Variants in PINX1 observed in about 807,000 individuals in gnomAD.
PINX1 encodes the protein PIN2 (TERF1) interacting telomerase inhibitor 1.
Under a neutral mutation model 25.4 loss-of-function variants are expected in PINX1, and 34 were observed. That is an observed-to-expected ratio of 1.34 (90% confidence interval 1.02 to 1.78). The LOEUF is 1.78. Ranked by LOEUF, PINX1 falls within the 40% of genes most tolerant of loss-of-function variation. The pLI is 0.00. For synonymous variants in PINX1, 197 were observed against 147.7 expected (o/e 1.33, Z -2.42); for missense variants, 592 against 404.9 (o/e 1.46, Z -3.97).
intron 6 of PINX1, among the ~76,000 whole-genome samples, chr8:10,816,334 A>G (rs1318796344): frequency 6.6e-6 from 1 of 152,232 alleles, no homozygotes; most frequent in Non-Finnish European, 1.5e-5. Context: ...CTGTTCATCT[A>G]TAAAAAGTTA....
intron 6 of PINX1, among the ~76,000 whole-genome samples, chr8:10,790,425 G>C (rs1032501970): frequency 3.3e-5 from 5 of 152,110 alleles, no homozygotes; most frequent in African/African-American, 4.8e-5. Context: ...GGCAAGCCAG[G>C]GGGAGGAAGC....
At chr8:10,833,318 T>C (rs1022916710) in intron 2 of PINX1, among the ~76,000 whole-genome samples, 3 of 152,216 alleles carry the variant, frequency 2.0e-5, no homozygotes, top group African/African-American at 7.2e-5. Context: ...AGATCTCACA[T>C]AACCTACGGG....
In PINX1 at chr8:10,795,122, T is replaced by C. The variant is rs563030028; in HGVS notation, c.471+25071A>G. 6.6e-5 allele frequency among the ~76,000 whole-genome samples: 10 copies of C among 152,348 alleles called. No individual in the cohort carries two copies. The South Asian group carries it at 1.7e-3, about 25-fold the overall frequency. The stretch of plus-strand genomic sequence containing the variant: ...TCTTGACTTTATAAATGCAAAATTC[T>C]AAGATTAATTCATTCAAAAAACAAA... On this transcript the variant is annotated intron_variant, in intron 6 of 6. Transcript: ENST00000314787.
intron 6 of PINX1, among the ~76,000 whole-genome samples, chr8:10,794,802 T>G (rs146598646): frequency 1.3e-5 from 2 of 152,102 alleles, no homozygotes; most frequent in South Asian, 4.1e-4. Flanking sequence ...AAAATCCGAG[T>G]GCATGTATGT....
chr8:10,806,234 A>G (rs950628621), intron 6 of PINX1, among the ~76,000 whole-genome samples: 1 of 151,698 alleles, frequency 6.6e-6, no homozygotes, highest in Non-Finnish European at 1.5e-5. Flanking sequence ...GCAGAGCACC[A>G]TCTCCTTCAC....
At chr8:10,781,151 T>A (rs1801573403) in intron 6 of PINX1, among the ~76,000 whole-genome samples, 1 of 152,184 alleles carries the variant, frequency 6.6e-6, no homozygotes, top group South Asian at 2.1e-4. Context: ...GTTTCTCATG[T>A]AAAAAAATGA....
intron 6 of PINX1, among the ~76,000 whole-genome samples, chr8:10,798,294 C>T (rs555871637): frequency 2.6e-5 from 4 of 152,356 alleles, no homozygotes; most frequent in African/African-American, 9.6e-5. Context: ...ATGAGAGCAG[C>T]ACAGGCTCCA....
At chr8:10,793,136 C>A (rs1353522277) in intron 6 of PINX1, among the ~76,000 whole-genome samples, 2 of 152,214 alleles carry the variant, frequency 1.3e-5, no homozygotes, top group Non-Finnish European at 2.9e-5. Context: ...GCATGATCTT[C>A]CGCTTGAGGT....
intron 5 of PINX1, 29 bp downstream of exon 5, chr8:10,826,123 A>G (rs1798029578): frequency 7.9e-7 from 1 of 1,260,570 alleles, no homozygotes; most frequent in African/African-American, 1.5e-5. Context: ...GTAGATTTCA[A>G]TAACAAGTAA....
At chr8:10,777,570 G>T (rs938448818) in intron 6 of PINX1, among the ~76,000 whole-genome samples, 1 of 152,172 alleles carries the variant, frequency 6.6e-6, no homozygotes, top group African/African-American at 2.4e-5. Context: ...GTGGCTTGGG[G>T]ACTGCAGGGA....
chr8:10,770,633 G>GT (rs1234160854), intron 6 of PINX1, among the ~76,000 whole-genome samples: 1 of 152,184 alleles, frequency 6.6e-6, no homozygotes, highest in Admixed American at 6.5e-5. Context: ...TGGATTATTA[G>GT]TACAATGCCC....
chr8:10,770,403 G>A (rs776304559), intron 6 of PINX1, among the ~76,000 whole-genome samples: 1 of 152,182 alleles, frequency 6.6e-6, no homozygotes, highest in Non-Finnish European at 1.5e-5. Flanking sequence ...GTCCCTGCGG[G>A]TATCAATTAC....
At chr8:10,827,764 A>C (rs1337860736) in intron 4 of PINX1, among the ~76,000 whole-genome samples, 1 of 151,174 alleles carries the variant, frequency 6.6e-6, no homozygotes, top group Non-Finnish European at 1.5e-5. Context: ...AAAAAAAATT[A>C]GCCGGGCGTG....
intron 6 of PINX1, among the ~76,000 whole-genome samples, chr8:10,789,220 C>G (rs1801846181): frequency 6.6e-6 from 1 of 152,200 alleles, no homozygotes; most frequent in African/African-American, 2.4e-5. Context: ...TGAGGGGACC[C>G]TGCATAGACA....
intron 4 of PINX1, among the ~76,000 whole-genome samples, chr8:10,830,438 T>C (rs13275368): frequency 0.07 from 10,686 of 152,270 alleles, 464 homozygotes; most frequent in South Asian, 0.11. Context: ...CTGTGTCTTA[T>C]ACCTCTGCAG....
chr8:10,790,257 G>C (rs1472460928), intron 6 of PINX1, among the ~76,000 whole-genome samples: 2 of 152,192 alleles, frequency 1.3e-5, no homozygotes, highest in African/African-American at 4.8e-5. Context: ...GACAGAAAAA[G>C]TGTTCAAATG....
intron 6 of PINX1, among the ~76,000 whole-genome samples, chr8:10,802,266 G>A (rs955009370): frequency 2.0e-5 from 3 of 152,284 alleles, no homozygotes; most frequent in African/African-American, 2.4e-5. Context: ...AAGGCTGACC[G>A]CACCTGGGGA....
chr8:10,770,093 A>C (rs1801177001), intron 6 of PINX1, among the ~76,000 whole-genome samples: 1 of 152,242 alleles, frequency 6.6e-6, no homozygotes, highest in Non-Finnish European at 1.5e-5. Flanking sequence ...TCACTTGAAA[A>C]AGTTTGACTG....
In PINX1 at chr8:10,765,316, A is replaced by T. The variant is rs915006467; in HGVS notation, c.*85T>A. 2 of 1,314,726 alleles carry T rather than the reference A, an allele frequency of 1.5e-6. No individual in the cohort carries two copies. The highest frequency in any genetic ancestry group is 3.0e-5 in the African/African-American group (2 of 67,712). The allele number at this position is 1,314,726 out of a possible 1,614,324, so 81.4% of individuals were successfully genotyped here. A position where few individuals can be genotyped will look rare whatever the true frequency, so the allele number is the denominator to read the frequency against. ...GATGCGCCCAGGCGCTCTGGGGTGA[A>T]CTCTGCTGTGACTTCAGGCCAGAGG... On this transcript the variant is annotated 3_prime_UTR_variant, in exon 7 of 7. Coordinates refer to ENST00000314787, the MANE Select transcript of PINX1 (RefSeq NM_017884.6).
Sources: allele counts gnomAD v4.1 joint callset (sites outside exome capture counted in the v4.1 genomes callset), GRCh38; gene constraint gnomAD v4.1.1; transcripts MANE v1.5; gene names NCBI Gene and HGNC (gene_info 2026-07-23, HGNC 2026-07-21).